INTS2: variants seen among roughly 807,000 people sequenced by gnomAD.
The protein encoded by INTS2 is KIAA1287.
INTS2 carries 57 observed loss-of-function variants against 139.6 expected under a neutral mutation model. The ratio of observed to expected loss-of-function variants is 0.41; its 90% confidence interval spans 0.33 to 0.51. The LOEUF is 0.51. Among genes scored for constraint, INTS2 ranks in the 20% least tolerant of loss-of-function variants. The pLI, the probability that INTS2 is intolerant of heterozygous loss-of-function variation, is 0.28. For synonymous variants in INTS2, 473 were observed against 493.4 expected, an observed-to-expected ratio of 0.96 and a Z score of 0.55; for missense variants, 1,196 against 1,436.7, an observed-to-expected ratio of 0.83 and a Z score of 2.71.
chr17:61,868,364 C>A lies in INTS2; in HGVS notation c.3245-355G>T, dbSNP rs921167106. Among the ~76,000 whole-genome samples the A allele has an allele frequency of 7.9e-5, 12 of 151,984 alleles. No homozygotes were observed. The highest frequency in any genetic ancestry group is 2.9e-4 in the African/African-American group (12 of 41,386). On this transcript the variant is annotated intron_variant, in intron 23 of 24. Coordinates refer to ENST00000251334, the MANE Select transcript of INTS2 (RefSeq NM_001351695.2). The surrounding 1 kb of genome is among the most constrained non-coding windows in gnomAD (Gnocchi z 4.7). Reference sequence around the variant, plus strand: ...GATCACAAGCCAGTTAGTGGTGGGGCTGAGATTGAATTCAGGCAGTGTAAA... The same window carrying A: ...GATCACAAGCCAGTTAGTGGTGGGGATGAGATTGAATTCAGGCAGTGTAAA...
At chr17:61,915,529 A>T (rs1200994481) in intron 5 of INTS2, among the ~76,000 whole-genome samples, 1 of 146,236 alleles carries the variant, frequency 6.8e-6, no homozygotes, top group Non-Finnish European at 1.5e-5. Flanking sequence ...CTGTTTCAAA[A>T]AAAAAAAGTC....
chr17:61,883,842 G>GA (rs559902903), intron 16 of INTS2, among the ~76,000 whole-genome samples: 393 of 150,970 alleles, frequency 2.6e-3, no homozygotes, highest in Non-Finnish European at 5.0e-3. Context: ...ATTTAATTAA[G>GA]AAAAAATCTC....
At chr17:61,923,063 C>T (rs1007519059) in intron 3 of INTS2, among the ~76,000 whole-genome samples, 3 of 150,772 alleles carry the variant, frequency 2.0e-5, no homozygotes, top group Non-Finnish European at 3.0e-5. Context: ...GCAACAAGAG[C>T]GAAACTCTGT....
intron 12 of INTS2, 66 bp downstream of exon 12, chr17:61,895,249 C>A (rs2079335322): frequency 1.2e-6 from 1 of 864,858 alleles, no homozygotes; most frequent in Non-Finnish European, 1.8e-6. Flanking sequence ...GTAAGACACA[C>A]AAGTTTTCTC....
At chr17:61,916,455 C>T (rs75787006) in intron 5 of INTS2, among the ~76,000 whole-genome samples, 2 of 151,892 alleles carry the variant, frequency 1.3e-5, no homozygotes, top group Non-Finnish European at 2.9e-5. Flanking sequence ...AACAGACACA[C>T]GGACCAATGC....
intron 9 of INTS2, among the ~76,000 whole-genome samples, chr17:61,903,174 GAAAAAAAA>G (rs551514700): frequency 1.7e-5 from 1 of 59,964 alleles, no homozygotes. Flanking sequence ...CTCAAAAAAG[GAAAAAAAA>G]AAAAAAAAAA....
At chr17:61,879,071 C>CTTTTTT (rs943506280) in intron 17 of INTS2, among the ~76,000 whole-genome samples, 1 of 34,432 alleles carries the variant, frequency 2.9e-5, no homozygotes, top group Non-Finnish European at 4.9e-5. Flanking sequence ...CCAGGCTGGT[C>CTTTTTT]TTTTTTTTTT....
chr17:61,895,735 A>T (rs2079340986), intron 11 of INTS2, among the ~76,000 whole-genome samples: 1 of 152,132 alleles, frequency 6.6e-6, no homozygotes, highest in African/African-American at 2.4e-5. Flanking sequence ...TACACACACA[A>T]ATATATGTAT....
At chr17:61,906,889 G>A (rs1226342970) in intron 8 of INTS2, among the ~76,000 whole-genome samples, 32 of 139,870 alleles carry the variant, frequency 2.3e-4, no homozygotes, top group African/African-American at 6.7e-4. Context: ...GCTTGAATCC[G>A]GGAGGCAGAG....
In INTS2 at chr17:61,882,868, A is replaced by C. The variant is rs1266953291; in HGVS notation, c.2090-1697T>G. The stretch of plus-strand genomic sequence containing the variant: ...TATCATCATAACAGTAAGACTACGC[A>C]GTAGTAGTAGGAATCAAAGTACTTT... On this transcript the variant is annotated intron_variant, in intron 16 of 24. Coordinates refer to ENST00000251334, the MANE Select transcript of INTS2 (RefSeq NM_001351695.2). The surrounding 1 kb of genome is among the most constrained non-coding windows in gnomAD (Gnocchi z 4.7). Among the ~76,000 whole-genome samples the C allele has an allele frequency of 6.6e-6, 1 of 152,244 alleles. No individual in the cohort carries two copies. Among genetic ancestry groups the C allele is most frequent in the East Asian group, 1.9e-4 (1 of 5,208 alleles).
At chr17:61,899,815 G>A (rs1029816668) in intron 9 of INTS2, among the ~76,000 whole-genome samples, 1 of 151,368 alleles carries the variant, frequency 6.6e-6, no homozygotes, top group African/African-American at 2.4e-5. Flanking sequence ...GGGAGGCTAA[G>A]ATGGGAGGAT....
In INTS2 at chr17:61,868,138, T is replaced by G; in HGVS notation, c.3245-129A>C. ...TTCTCTAAACACAGCCAACCCGTCTTCAGAAAGCTCACAATCTAGTAGTCT... is the reference window on the plus strand; with the variant it reads ...TTCTCTAAACACAGCCAACCCGTCTGCAGAAAGCTCACAATCTAGTAGTCT... On this transcript the variant is annotated intron_variant, in intron 23 of 24. Coordinates refer to ENST00000251334, the MANE Select transcript of INTS2 (RefSeq NM_001351695.2). This position sits in a 1 kb window ranked among gnomAD's most constrained non-coding sequence, Gnocchi z 4.7. 1.6e-6 allele frequency: 1 copy of G among 624,448 alleles called. No homozygotes were observed. The highest frequency in any genetic ancestry group is 1.9e-5 in the African/African-American group (1 of 52,264). The allele number at this position is 624,448 out of a possible 1,614,324, so 38.7% of individuals were successfully genotyped here. A position where few individuals can be genotyped will look rare whatever the true frequency, so the allele number is the denominator to read the frequency against.
intron 17 of INTS2, among the ~76,000 whole-genome samples, chr17:61,880,210 A>AT (rs1394930151): frequency 2.6e-5 from 4 of 150,960 alleles, no homozygotes; most frequent in East Asian, 1.9e-4. Flanking sequence ...CGCCCGGCTA[A>AT]TTTTTTTTTG....
rs2079694557 is a variant in INTS2, at chr17:61,925,002, A to G, written c.391T>C (p.Leu131=). 6.2e-7 allele frequency: 1 copy of G among 1,613,494 alleles called. No individual in the cohort carries two copies. The highest frequency in any genetic ancestry group is 1.1e-5 in the South Asian group (1 of 90,954). The change falls in exon 3 of 25, where the codon TTG becomes CTG. Residue 131 remains leucine, a synonymous_variant. Coordinates refer to ENST00000251334, the MANE Select transcript of INTS2 (RefSeq NM_001351695.2). ...EFEHSDSPRR[L]RLVLSELLAI... ...AACAGTTCACTAAGCACAAGACGCA[A>G]TCGACGAGGTGAATCACTGTGTTCA...
Position 61,867,661 on chromosome 17 carries a change from T to A in INTS2, c.3487A>T (p.Asn1163Tyr), listed in dbSNP as rs1176744444. Reference sequence around the variant, plus strand: ...ATGCTTCCAGTGTCCCTGGATCCATTTTTATAAGATGAATCTTTACAGATT... The same window carrying A: ...ATGCTTCCAGTGTCCCTGGATCCATATTTATAAGATGAATCTTTACAGATT... Reference protein sequence around the residue: ...SQICKDSSYKNGSRDTGSMDP... With the variant: ...SQICKDSSYKYGSRDTGSMDP... Residue 1163 changes from asparagine (N) to tyrosine (Y), a missense_variant, in exon 25 of 25, where the codon AAT (asparagine) becomes TAT (tyrosine). Around this residue, in one of 3 missense-constraint regions of INTS2, gnomAD observed 1,129 missense variants for 1,341.9 expected, o/e 0.84. Transcript: ENST00000251334. This position sits in a 1 kb window ranked among gnomAD's most constrained non-coding sequence, Gnocchi z 5.6. The A allele has an allele frequency of 1.1e-5, 17 of 1,612,518 alleles. No homozygotes were observed. Among genetic ancestry groups the A allele is most frequent in the Non-Finnish European group, 1.4e-5 (17 of 1,178,804 alleles).
intron 17 of INTS2, among the ~76,000 whole-genome samples, chr17:61,880,747 C>T (rs2079170277): frequency 7.8e-6 from 1 of 128,564 alleles, no homozygotes; most frequent in Non-Finnish European, 1.5e-5. Flanking sequence ...GAGAAAGACA[C>T]ACAAACACAA....
intron 9 of INTS2, among the ~76,000 whole-genome samples, chr17:61,900,413 G>A (rs1310651065): frequency 1.3e-5 from 2 of 152,192 alleles, no homozygotes; most frequent in African/African-American, 4.8e-5. Context: ...TCATGCATCT[G>A]AATTAAGGGA....
Position 61,884,845 on chromosome 17 carries a change from A to C in INTS2, c.2089+56T>G, listed in dbSNP as rs186368688. On this transcript the variant is annotated intron_variant, in intron 16 of 24. Transcript: ENST00000251334. ...ACCTATTACACTTCATAACATTATAAACAGAAAGGTTTTTTAACAATAAAC... is the reference window on the plus strand; with the variant it reads ...ACCTATTACACTTCATAACATTATACACAGAAAGGTTTTTTAACAATAAAC... 93 of 1,083,002 alleles carry C rather than the reference A, an allele frequency of 8.6e-5. No homozygotes were observed. In the Admixed American group the frequency reaches 1.1e-3, roughly 13 times the overall value. The allele number at this position is 1,083,002 out of a possible 1,614,324, so 67.1% of individuals were successfully genotyped here. A position where few individuals can be genotyped will look rare whatever the true frequency, so the allele number is the denominator to read the frequency against.
chr17:61,908,500 A>G (rs977599277), intron 7 of INTS2, among the ~76,000 whole-genome samples: 2 of 152,358 alleles, frequency 1.3e-5, no homozygotes, highest in Non-Finnish European at 2.9e-5. Flanking sequence ...CACTCTGCAC[A>G]GTCGAACATT....
Sources: gnomAD v4.1 joint callset for allele counts (sites outside exome capture counted in the v4.1 genomes callset) on GRCh38, gnomAD v4.1.1 for gene constraint, gnomAD v4.1.1 regional missense constraint, Gnocchi (gnomAD v3.1) non-coding constraint, MANE v1.5 for transcripts, NCBI Gene and HGNC (gene_info 2026-07-23, HGNC 2026-07-21) for gene names.